Variants in MARK4 observed in about 807,000 individuals in gnomAD.
MARK4 encodes MAP/microtubule affinity-regulating kinase 4.
In MARK4, 19 loss-of-function variants were observed where a neutral mutation model predicts 81.5. The ratio of observed to expected loss-of-function variants is 0.23; its 90% CI spans 0.16 to 0.34. The LOEUF (loss-of-function observed/expected upper bound fraction) is 0.34. Among genes scored for constraint, MARK4 ranks in the 10% least tolerant of loss-of-function variants. The pLI is 1.00. For synonymous variants in MARK4, 436 were observed against 439.0 expected, an observed-to-expected ratio of 0.99 and a Z score of 0.08; for missense variants, 772 against 1,058.8, an observed-to-expected ratio of 0.73 and a Z score of 3.76.
rs774897035 is a variant in MARK4 at position 45,264,874 on chromosome 19, C to A, written c.456C>A (p.Arg152=). The part of the protein sequence containing the change: ...EVFDYLVSHG[R]MKEKEARAKF... ...TTGACTACCTCGTGTCGCATGGCCG[C>A]ATGAAGGAGAAGGAAGCTCGAGCCA... Residue 152 remains arginine (R), a synonymous_variant, in exon 6 of 17, where the codon CGC becomes CGA. Coordinates refer to ENST00000262891, the MANE Select transcript of MARK4 (RefSeq NM_001199867.2). 6.2e-7 allele frequency: 1 copy of A among 1,614,124 alleles called. No homozygotes were observed. The highest frequency in any genetic ancestry group is 8.5e-7 in the Non-Finnish European group (1 of 1,179,996).
At chr19:45,257,000 C>G (rs1051848733) in intron 1 of MARK4, among the ~76,000 whole-genome samples, 1 of 152,020 alleles carries the variant, frequency 6.6e-6, no homozygotes, top group African/African-American at 2.4e-5. Context: ...GTTGCCCAGG[C>G]TGGAGTGCAG....
In MARK4 at chr19:45,302,865, T is replaced by C; in HGVS notation, c.*155T>C. ...AAAGATTGTCCCCTCTGCTGTTCTC[T>C]GGGGCCGCTCAGCACAGAAGAAGGA... On this transcript the variant is annotated 3_prime_UTR_variant, in exon 17 of 17. Transcript: ENST00000262891. The surrounding 1 kb of genome is among the most constrained non-coding windows in gnomAD (Gnocchi z 4.9). The C allele has an allele frequency of 1.6e-6, 2 of 1,223,126 alleles. No homozygotes were observed. The highest frequency in any genetic ancestry group is 2.6e-5 in the East Asian group (1 of 39,026). The allele number at this position is 1,223,126 out of a possible 1,614,324, so 75.8% of individuals were successfully genotyped here. A position where few individuals can be genotyped will look rare whatever the true frequency, so the allele number is the denominator to read the frequency against.
chr19:45,285,795 A>G (rs1191608666), intron 12 of MARK4, among the ~76,000 whole-genome samples: 3 of 152,148 alleles, frequency 2.0e-5, no homozygotes, highest in Non-Finnish European at 2.9e-5. Context: ...CTGAGCATGT[A>G]TCGCTCCTGA....
chr19:45,302,611 C>T lies in MARK4; in HGVS notation c.2160C>T (p.Pro720=). ...SHFEVEVCQL[P]RPGLRGVLFR... ...TCGAAGTGGAGGTCTGCCAGCTGCC[C>T]CGGCCAGGCTTGCGGGGAGTTCTCT... Residue 720 remains proline, a synonymous_variant, in exon 17 of 17, where the codon CCC becomes CCT. Transcript: ENST00000262891. The surrounding 1 kb of genome is among the most constrained non-coding windows in gnomAD (Gnocchi z 4.9). The T allele has an allele frequency of 1.9e-6, 3 of 1,558,798 alleles. No homozygotes were observed. The highest frequency in any genetic ancestry group is 2.4e-5 in the East Asian group (1 of 42,506).
intron 15 of MARK4, 111 bp downstream of exon 15, chr19:45,298,065 C>CTCCTCCTCCTCGTT (rs1970913785): frequency 6.5e-7 from 1 of 1,543,158 alleles, no homozygotes; most frequent in African/African-American, 1.4e-5. Context: ...CTTCCTCCTC[C>CTCCTCCTCCTCGTT]TCCTCCTCCT....
intron 8 of MARK4, among the ~76,000 whole-genome samples, chr19:45,274,712 C>T (rs988170783): frequency 4.6e-5 from 7 of 152,132 alleles, no homozygotes; most frequent in Non-Finnish European, 1.0e-4. Context: ...GAGGTGTTGT[C>T]ACAGAATAAT....
At chr19:45,259,250 A>C (rs1168425968) in intron 2 of MARK4, 61 bp downstream of exon 2, 3 of 1,572,346 alleles carry the variant, frequency 1.9e-6, no homozygotes, top group African/African-American at 2.7e-5. Context: ...TCTTCGGTGT[A>C]TGTTGATAGA....
intron 7 of MARK4, among the ~76,000 whole-genome samples, chr19:45,269,033 C>A (rs765845842): frequency 3.3e-5 from 5 of 152,106 alleles, no homozygotes; most frequent in Non-Finnish European, 7.4e-5. Context: ...AGGGGACCAA[C>A]CCATGTGACT....
intron 7 of MARK4, among the ~76,000 whole-genome samples, chr19:45,269,327 C>T (rs1052675677): frequency 1.3e-5 from 2 of 152,082 alleles, no homozygotes; most frequent in Non-Finnish European, 2.9e-5. Flanking sequence ...TACAGTGAGC[C>T]GAGATCGTGC....
At chr19:45,285,703 G>A (rs1477407824) in intron 12 of MARK4, among the ~76,000 whole-genome samples, 1 of 149,368 alleles carries the variant, frequency 6.7e-6, no homozygotes, top group Non-Finnish European at 1.5e-5. Context: ...GAGTTCCAGG[G>A]ATTCTCAGAG....
intron 7 of MARK4, among the ~76,000 whole-genome samples, chr19:45,269,608 C>T (rs73036560): frequency 0.022 from 3,398 of 152,164 alleles, 56 homozygotes; most frequent in Non-Finnish European, 0.035. Flanking sequence ...GGGCCAGACG[C>T]GGGTGACATT....
intron 13 of MARK4, chr19:45,288,656 G>C (rs576706433): frequency 6.6e-6 from 1 of 150,740 alleles, no homozygotes; most frequent in Non-Finnish European, 1.5e-5. Context: ...CGAGACCGTC[G>C]TGGCTAACAC....
intron 8 of MARK4, among the ~76,000 whole-genome samples, chr19:45,276,428 C>T (rs1307086010): frequency 1.3e-5 from 2 of 152,030 alleles, no homozygotes; most frequent in Admixed American, 6.6e-5. Context: ...CATAAAAGGC[C>T]CTTAAAGAGA....
intron 14 of MARK4, among the ~76,000 whole-genome samples, chr19:45,296,184 T>C (rs344807): frequency 0.69 from 104,674 of 151,932 alleles, 37,343 homozygotes; most frequent in African/African-American, 0.82. Flanking sequence ...GCTCAAGAGA[T>C]AGTGGAACAG....
At chr19:45,291,066 A>G (rs1970814265) in intron 13 of MARK4, among the ~76,000 whole-genome samples, 1 of 152,138 alleles carries the variant, frequency 6.6e-6, no homozygotes, top group Admixed American at 6.5e-5. Flanking sequence ...GTACAAATTC[A>G]TGCCCCTTGG....
At chr19:45,277,823 TTGTGTGTGTGTGTGTG>T (rs58592372) in intron 8 of MARK4, 84 bp from the exon 9 acceptor site, 31,241 of 735,542 alleles carry the variant, frequency 0.042, 472 homozygotes, top group Non-Finnish European at 0.051. Context: ...GGGACAAAGG[TTGTGTGTGTGTGTGTG>T]TGTGTGTGTG....
rs543851874 is a variant in MARK4, at chr19:45,303,430, G to C, written c.*720G>C. On this transcript the variant is annotated 3_prime_UTR_variant, in exon 17 of 17. Transcript: ENST00000262891. ...CCTGCAAATGAGTTAAAGAAGAGGC[G>C]TGGGAATCCAGGCAGTGGTTTTTCC... The C allele has an allele frequency of 6.6e-6, 1 of 152,174 alleles. No individual in the cohort carries two copies. The highest frequency in any genetic ancestry group is 1.5e-5 in the Non-Finnish European group (1 of 68,054). The allele number at this position is 152,174 out of a possible 1,614,324, so 9.4% of individuals were successfully genotyped here.
At chr19:45,252,234 C>A (rs1194676334) in intron 1 of MARK4, among the ~76,000 whole-genome samples, 1 of 152,112 alleles carries the variant, frequency 6.6e-6, no homozygotes, top group Non-Finnish European at 1.5e-5. Flanking sequence ...CGGCCCTTTT[C>A]TGGCTTCTTC....
intron 2 of MARK4, among the ~76,000 whole-genome samples, chr19:45,261,815 C>T (rs187067929): frequency 2.0e-5 from 3 of 152,128 alleles, no homozygotes; most frequent in South Asian, 2.1e-4. Flanking sequence ...TGCCTGTAAT[C>T]CCAGATATTC....
Sources: gnomAD v4.1 joint callset for allele counts (sites outside exome capture counted in the v4.1 genomes callset) on GRCh38, gnomAD v4.1.1 for gene constraint, Gnocchi (gnomAD v3.1) non-coding constraint, MANE v1.5 for transcripts, NCBI Gene and HGNC (gene_info 2026-07-23, HGNC 2026-07-21) for gene names.